The following GRIA1 variants were observed in gnomAD, a reference collection of about 807,000 sequenced individuals.
GRIA1 encodes the protein glutamate ionotropic receptor AMPA type subunit 1.
A neutral mutation model predicts 99.2 loss-of-function variants in GRIA1; 31 were observed. The observed-to-expected ratio is 0.31, with a 90% CI of 0.23 to 0.42. GRIA1 has a LOEUF of 0.42. GRIA1 is among the 10% of genes least tolerant of loss of function. The pLI is 1.00. For synonymous variants in GRIA1, 438 were observed against 432.4 expected, an observed-to-expected ratio of 1.01 and a Z score of -0.16; for missense variants, 782 against 1,157.5, an observed-to-expected ratio of 0.68 and a Z score of 4.71.
intron 5 of GRIA1, among the ~76,000 whole-genome samples, chr5:153,671,392 C>T (rs1372512726): frequency 6.6e-6 from 1 of 152,184 alleles, no homozygotes; most frequent in African/African-American, 2.4e-5. Flanking sequence ...TCTCTAAGAA[C>T]TATGAGAAAT....
At chr5:153,515,027 C>G (rs993689445) in intron 2 of GRIA1, among the ~76,000 whole-genome samples, 6 of 151,990 alleles carry the variant, frequency 3.9e-5, no homozygotes, top group Admixed American at 3.3e-4. Context: ...AATTATTGCC[C>G]TCAGTTTACA....
At chr5:153,643,274 C>A (rs185898538) in intron 2 of GRIA1, among the ~76,000 whole-genome samples, 1 of 152,182 alleles carries the variant, frequency 6.6e-6, no homozygotes, top group African/African-American at 2.4e-5. Context: ...ATCAAACAAT[C>A]ATTTCACAGA....
Position 153,770,191 on chromosome 5 carries a change from G to A in GRIA1, c.2046G>A (p.Glu682=), listed in dbSNP as rs200955857. ...FFRRSKIAVF[E]KMWTYMKSAE... is the part of the protein sequence containing the mutation. ...AGAGGTCTAAAATTGCTGTGTTTGA[G>A]AAGATGTGGACATACATGAAGTCAG... is the stretch of plus-strand genomic sequence containing the variant. The change falls in exon 13 of 16, where the codon GAG becomes GAA. Residue 682 remains glutamate (E), a synonymous_variant. Transcript: ENST00000285900. 21 of 1,613,796 alleles carry A rather than the reference G, an allele frequency of 1.3e-5. No individual in the cohort carries two copies. Among genetic ancestry groups the A allele is most frequent in the Middle Eastern group, 1.6e-4 (1 of 6,078 alleles).
intron 2 of GRIA1, chr5:153,557,821 G>A (rs983791955): frequency 2.0e-5 from 3 of 152,208 alleles, no homozygotes; most frequent in African/African-American, 7.2e-5. Context: ...AAGGTCTTCA[G>A]TGGCAATAGC....
At chr5:153,681,942 G>A (rs184829049) in intron 7 of GRIA1, among the ~76,000 whole-genome samples, 16 of 152,098 alleles carry the variant, frequency 1.1e-4, no homozygotes, top group African/African-American at 3.4e-4. Context: ...GCTGAGACAG[G>A]AGAATCACTT....
At chr5:153,518,701 TA>T (rs1756851358) in intron 2 of GRIA1, among the ~76,000 whole-genome samples, 1 of 152,220 alleles carries the variant, frequency 6.6e-6, no homozygotes, top group South Asian at 2.1e-4. Flanking sequence ...ATTATGCAAG[TA>T]TTTTTTTTCA....
Position 153,749,866 on chromosome 5 carries a change from G to A in GRIA1, c.1824-14568G>A, listed in dbSNP as rs922679220. 3.3e-5 allele frequency among the ~76,000 whole-genome samples: 5 copies of A among 152,108 alleles called. 1 individual carries two copies. Among genetic ancestry groups the A allele is most frequent in the South Asian group, 4.1e-4 (2 of 4,822 alleles). On this transcript the variant is annotated intron_variant, in intron 11 of 15. Transcript: ENST00000285900. ...GAAAAAAAAAATAGGAACAAAGGAC[G>A]ATTCTCTTTGAAATATAGCCCTGCA... is the stretch of plus-strand genomic sequence containing the variant.
At chr5:153,764,166 T>C (rs921087545) in intron 11 of GRIA1, among the ~76,000 whole-genome samples, 2 of 152,246 alleles carry the variant, frequency 1.3e-5, no homozygotes, top group African/African-American at 4.8e-5. Context: ...CTTGCTGTTA[T>C]ATATGTGTAA....
rs993798385 is a variant in GRIA1, at chr5:153,722,805, C to T, written c.1823+16738C>T. Among the ~76,000 whole-genome samples, 9 of 152,264 alleles carry T rather than the reference C, an allele frequency of 5.9e-5. No individual in the cohort carries two copies. The South Asian group carries it at 8.3e-4, about 14-fold the overall frequency. Reference sequence around the variant, plus strand: ...GATTCTCTTCACATAGAGACTCCTACGAGAAAATGTCTGCAGTGTTTTCTA... The same window carrying T: ...GATTCTCTTCACATAGAGACTCCTATGAGAAAATGTCTGCAGTGTTTTCTA... On this transcript the variant is annotated intron_variant, in intron 11 of 15. Coordinates refer to ENST00000285900, the MANE Select transcript of GRIA1 (RefSeq NM_000827.4).
intron 2 of GRIA1, among the ~76,000 whole-genome samples, chr5:153,614,474 G>A (rs968673099): frequency 1.3e-5 from 2 of 152,068 alleles, no homozygotes; most frequent in African/African-American, 4.8e-5. Context: ...CCGTAAAGTA[G>A]GTGTGATTAT....
intron 8 of GRIA1, among the ~76,000 whole-genome samples, 183 bp from the exon 9 acceptor site, chr5:153,697,860 TG>T (rs1758226574): frequency 6.6e-6 from 1 of 152,136 alleles, no homozygotes; most frequent in African/African-American, 2.4e-5. Flanking sequence ...GGAGCAAAAT[TG>T]GGGGCACCTG....
chr5:153,689,805 TTCCTCTGTGAAAGTAGAATTTCCAC>T (rs1386093555), intron 8 of GRIA1, among the ~76,000 whole-genome samples: 1 of 152,210 alleles, frequency 6.6e-6, no homozygotes, highest in Non-Finnish European at 1.5e-5. Context: ...GGACTTCGGC[TTCCTCTGTGAAAGTAGAATTTCCAC>T]TGGGGCCTTC....
At chr5:153,709,378 T>C (rs1759148793) in intron 11 of GRIA1, among the ~76,000 whole-genome samples, 1 of 152,242 alleles carries the variant, frequency 6.6e-6, no homozygotes, top group African/African-American at 2.4e-5. Context: ...TCATCTGAAT[T>C]GCATATATCT....
At chr5:153,668,497 A>T (rs2149478887) in intron 5 of GRIA1, among the ~76,000 whole-genome samples, 1 of 152,344 alleles carries the variant, frequency 6.6e-6, no homozygotes, top group African/African-American at 2.4e-5. Context: ...TGGGAAAGCC[A>T]TGCTCTTCCA....
intron 2 of GRIA1, among the ~76,000 whole-genome samples, chr5:153,562,926 C>G (rs945055985): frequency 3.9e-5 from 6 of 152,062 alleles, no homozygotes; most frequent in Non-Finnish European, 7.4e-5. Flanking sequence ...GCCTGTAATC[C>G]CAGCACTTTG....
chr5:153,802,114 A>C lies in GRIA1; in HGVS notation c.2386-242A>C, dbSNP rs548777828. Among the ~76,000 whole-genome samples the C allele has an allele frequency of 7.9e-5, 12 of 152,194 alleles. No homozygotes were observed. The South Asian group carries it at 2.3e-3, about 29-fold the overall frequency. ...CATTGAGGAGTGGGGAATTGTAATT[A>C]CAAGTTCAACATAGTCAGGGAGGCT... On this transcript the variant is annotated intron_variant, in intron 14 of 15. Transcript: ENST00000285900.
intron 2 of GRIA1, among the ~76,000 whole-genome samples, chr5:153,534,669 T>C (rs1267355878): frequency 6.6e-6 from 1 of 152,170 alleles, no homozygotes; most frequent in Non-Finnish European, 1.5e-5. Context: ...AAGGTCTTGG[T>C]ATGAGCCTCA....
chr5:153,584,012 C>T (rs1056428472), intron 2 of GRIA1, among the ~76,000 whole-genome samples: 2 of 152,162 alleles, frequency 1.3e-5, no homozygotes, highest in Non-Finnish European at 2.9e-5. Context: ...TCCATGTCTG[C>T]CCCAAGGGGC....
At chr5:153,556,730 A>G (rs769078920) in intron 2 of GRIA1, among the ~76,000 whole-genome samples, 11 of 152,182 alleles carry the variant, frequency 7.2e-5, no homozygotes, top group Non-Finnish European at 1.3e-4. Context: ...TCTCACCTGA[A>G]GTCTGAAGAT....
Sources: allele counts gnomAD v4.1 joint callset (sites outside exome capture counted in the v4.1 genomes callset), GRCh38; gene constraint gnomAD v4.1.1; transcripts MANE v1.5; gene names NCBI Gene and HGNC (gene_info 2026-07-23, HGNC 2026-07-21).